Variants in DCHS2 observed in about 807,000 individuals in gnomAD.
DCHS2 encodes protocadherin-23.
Under a neutral mutation model 182.4 loss-of-function variants are expected in DCHS2, and 142 were observed. The ratio of observed to expected loss-of-function variants is 0.78; its 90% CI spans 0.68 to 0.89. DCHS2 has a LOEUF of 0.89. Among genes scored for constraint, DCHS2 ranks in the 40% least tolerant of loss-of-function variants. The probability of loss-of-function intolerance (pLI) is 0.00; values close to 1 mark genes in which losing one functional copy is unlikely to be tolerated. For synonymous variants in DCHS2, 1,740 were observed against 1,663.3 expected (o/e 1.05, Z -1.12); for missense variants, 4,319 against 4,198.6 (o/e 1.03, Z -0.79).
chr4:154,240,429 C>T, intron 18 of DCHS2, 108 bp downstream of exon 18: 1 of 1,355,044 alleles, frequency 7.4e-7, no homozygotes, highest in African/African-American at 1.4e-5. Flanking sequence ...GCACTACAAA[C>T]AGTGAATGCT....
At chr4:154,307,265 C>T (rs941754321) in intron 10 of DCHS2, among the ~76,000 whole-genome samples, 2 of 152,158 alleles carry the variant, frequency 1.3e-5, no homozygotes, top group African/African-American at 4.8e-5. Context: ...GGTTATTTGG[C>T]CTCATTCTAT....
chr4:154,331,746 C>T (rs907437439), intron 5 of DCHS2: 3 of 1,592,990 alleles, frequency 1.9e-6, no homozygotes, highest in Middle Eastern at 1.7e-4. Context: ...TCTCATCTTA[C>T]CAGCTCCATG....
chr4:154,432,465 T>G (rs939651352), intron 1 of DCHS2, among the ~76,000 whole-genome samples: 2 of 152,164 alleles, frequency 1.3e-5, no homozygotes, highest in Admixed American at 6.5e-5. Context: ...AAATAAACCA[T>G]GATGACATAT....
rs772212878 is a variant in DCHS2, at chr4:154,239,320, A to AAAT, written c.7360-21_7360-19dup. 14 of 1,611,626 alleles carry AAAT rather than the reference A, an allele frequency of 8.7e-6. No homozygotes were observed. Among genetic ancestry groups the AAAT allele is most frequent in the African/African-American group, 1.3e-5 (1 of 74,882 alleles). ...ACTGTGACCTGAGGGAAAAAGAGAA[A>AAAT]AATAGGGACATTGTGCTTAAAGGCT... is the stretch of plus-strand genomic sequence containing the variant. On this transcript the variant is annotated intron_variant, in intron 18 of 19. Transcript: ENST00000357232.
At chr4:154,391,195 C>T in intron 1 of DCHS2, 1 of 1,613,348 alleles carries the variant, frequency 6.2e-7, no homozygotes, top group Non-Finnish European at 8.5e-7. Flanking sequence ...TTTATTTTCA[C>T]ATACACCTCA....
chr4:154,410,274 A>G (rs1235770917), intron 1 of DCHS2, among the ~76,000 whole-genome samples: 5 of 151,914 alleles, frequency 3.3e-5, no homozygotes, highest in African/African-American at 1.2e-4. Context: ...TAAAATCAAG[A>G]AAAAAATTGA....
intron 7 of DCHS2, among the ~76,000 whole-genome samples, chr4:154,325,062 G>A (rs376185371): frequency 8.3e-4 from 126 of 152,008 alleles, no homozygotes; most frequent in African/African-American, 2.8e-3. Context: ...AGAATATTTC[G>A]ATGAACACCA....
At chr4:154,246,688 G>T (rs796402214) in intron 16 of DCHS2, among the ~76,000 whole-genome samples, 28 of 151,860 alleles carry the variant, frequency 1.8e-4, no homozygotes, top group African/African-American at 6.8e-4. Context: ...AACAAGAGTT[G>T]GATATTATTT....
chr4:154,304,474 A>T (rs756347874), intron 12 of DCHS2, among the ~76,000 whole-genome samples, 195 bp downstream of exon 12: 1 of 152,082 alleles, frequency 6.6e-6, no homozygotes, highest in Non-Finnish European at 1.5e-5. Flanking sequence ...AGTGTGTGTC[A>T]ACTCAGTCAG....
chr4:154,245,768 T>A (rs534967769), intron 16 of DCHS2, among the ~76,000 whole-genome samples: 1 of 152,116 alleles, frequency 6.6e-6, no homozygotes, highest in African/African-American at 2.4e-5. Context: ...ATGAGAAATA[T>A]CAACAAATTC....
chr4:154,377,818 C>T (rs1167974776), intron 1 of DCHS2, among the ~76,000 whole-genome samples: 2 of 152,194 alleles, frequency 1.3e-5, no homozygotes, highest in Non-Finnish European at 2.9e-5. Context: ...GACTTGACAG[C>T]CAAGCTGTTG....
Position 154,394,356 on chromosome 4 carries a change from G to A in DCHS2, c.2053-16912C>T, listed in dbSNP as rs1033910087. On this transcript the variant is annotated intron_variant, in intron 1 of 19. Transcript: ENST00000357232. ...TCATTAGGCACAAGGCCCCCCTCAGGAGTCAGACAGGTTTTGGACTCTGGT... is the reference window on the plus strand; with the variant it reads ...TCATTAGGCACAAGGCCCCCCTCAGAAGTCAGACAGGTTTTGGACTCTGGT... 2.6e-5 allele frequency among the ~76,000 whole-genome samples: 4 copies of A among 152,300 alleles called. No individual in the cohort carries two copies. The South Asian group carries it at 6.2e-4, about 24-fold the overall frequency.
At chr4:154,327,711 C>T (rs1736337432) in intron 7 of DCHS2, among the ~76,000 whole-genome samples, 1 of 152,098 alleles carries the variant, frequency 6.6e-6, no homozygotes, top group Non-Finnish European at 1.5e-5. Context: ...TACAAGTATT[C>T]AGTCTTCATA....
At chr4:154,298,738 T>A in intron 12 of DCHS2, 30 bp from the exon 13 acceptor site, 14 of 1,529,262 alleles carry the variant, frequency 9.2e-6, no homozygotes, top group Non-Finnish European at 1.1e-5. Context: ...CAAATTCATT[T>A]GAATTGAAAA....
intron 1 of DCHS2, among the ~76,000 whole-genome samples, chr4:154,392,893 T>C (rs1731771244): frequency 6.6e-6 from 1 of 152,196 alleles, no homozygotes; most frequent in South Asian, 2.1e-4. Flanking sequence ...ACTTGGGGAC[T>C]GTTTGAGTCT....
chr4:154,425,842 A>G (rs1733302064), intron 1 of DCHS2, among the ~76,000 whole-genome samples: 1 of 152,148 alleles, frequency 6.6e-6, no homozygotes, highest in South Asian at 2.1e-4. Flanking sequence ...TGCTTGGCCC[A>G]CCCACAGTCT....
At position 154,489,940 on chromosome 4, in the gene DCHS2, T is replaced by C. The variant is rs1405237340; in HGVS notation, c.1416A>G (p.Glu472=). The change falls in exon 1 of 20, where the codon GAA becomes GAG. Residue 472 remains glutamate (E), a synonymous_variant. Coordinates refer to ENST00000357232, the MANE Select transcript of DCHS2 (RefSeq NM_001358235.2). ...GCAACGCGAAGTCTCCCTCTCCGCCTTCCAAGGACAGAGAGATGCTCCCGT... is the reference window on the plus strand; with the variant it reads ...GCAACGCGAAGTCTCCCTCTCCGCCCTCCAAGGACAGAGAGATGCTCCCGT... ...LGDGSISLSL[E]GGEGDFALLP... is the part of the protein sequence containing the mutation. The C allele has an allele frequency of 1.3e-6, 2 of 1,540,842 alleles. No individual in the cohort carries two copies. The highest frequency in any genetic ancestry group is 1.8e-6 in the Non-Finnish European group (2 of 1,139,902).
In DCHS2 at chr4:154,255,780, T is replaced by C. The variant is rs1732635104; in HGVS notation, c.6790-110A>G. 15 of 1,390,484 alleles carry C rather than the reference T, an allele frequency of 1.1e-5. No homozygotes were observed. The South Asian group carries it at 2.5e-4, about 24-fold the overall frequency. 86.1% of individuals were successfully genotyped at this position (1,390,484 alleles called of 1,614,324 possible). A position where few individuals can be genotyped will look rare whatever the true frequency, so the allele number is the denominator to read the frequency against. On this transcript the variant is annotated intron_variant, in intron 15 of 19. Coordinates refer to ENST00000357232, the MANE Select transcript of DCHS2 (RefSeq NM_001358235.2). Reference sequence around the variant, plus strand: ...GAATCACAGCTTGTCAAACATATTTTAAAAACAACGATGAAATGAAATACC... The same window carrying C: ...GAATCACAGCTTGTCAAACATATTTCAAAAACAACGATGAAATGAAATACC...
intron 14 of DCHS2, among the ~76,000 whole-genome samples, chr4:154,265,027 G>A (rs1733173289): frequency 6.6e-6 from 1 of 152,056 alleles, no homozygotes; most frequent in Non-Finnish European, 1.5e-5. Flanking sequence ...TTAAAGTAAC[G>A]AGGCTAGCCA....
Sources: allele counts gnomAD v4.1 joint callset (sites outside exome capture counted in the v4.1 genomes callset), GRCh38; gene constraint gnomAD v4.1.1; transcripts MANE v1.5; gene names NCBI Gene and HGNC (gene_info 2026-07-23, HGNC 2026-07-21).